CACNA1E: variants seen among roughly 807,000 people sequenced by gnomAD.
CACNA1E encodes calcium voltage-gated channel subunit alpha1 E.
A neutral mutation model predicts 259.2 loss-of-function variants in CACNA1E; 40 were observed. The observed-to-expected ratio is 0.15, with a 90% CI of 0.12 to 0.20. The LOEUF is 0.20. Among genes scored for constraint, CACNA1E ranks in the 10% least tolerant of loss-of-function variants. CACNA1E has a pLI of 1.00. For synonymous variants in CACNA1E, 1,104 were observed against 1,138.5 expected (o/e 0.97, Z 0.61); for missense variants, 1,874 against 3,040.1 (o/e 0.62, Z 9.02).
At chr1:181,609,232 C>T (rs907101395) in intron 6 of CACNA1E, among the ~76,000 whole-genome samples, 1 of 152,172 alleles carries the variant, frequency 6.6e-6, no homozygotes, top group Admixed American at 6.5e-5. Flanking sequence ...TGGCGGTGCC[C>T]CCTGGGTGTA....
At chr1:181,796,631 C>CAG (rs758403385) in intron 46 of CACNA1E, 37 bp from the exon 47 acceptor site, 1 of 1,471,216 alleles carries the variant, frequency 6.8e-7, no homozygotes, top group Non-Finnish European at 9.3e-7. Flanking sequence ...TCAGAGTGGA[C>CAG]AGAGTTATAA....
intron 6 of CACNA1E, among the ~76,000 whole-genome samples, chr1:181,637,166 C>G (rs1014107916): frequency 5.3e-5 from 8 of 152,190 alleles, no homozygotes; most frequent in African/African-American, 1.9e-4. Context: ...AAAGCAGAAT[C>G]TACCAGTTTT....
intron 7 of CACNA1E, among the ~76,000 whole-genome samples, chr1:181,705,992 A>G (rs983805679): frequency 2.6e-5 from 4 of 151,906 alleles, no homozygotes; most frequent in African/African-American, 9.7e-5. Context: ...TGAAATCTAG[A>G]TGCATCCCTT....
At chr1:181,442,295 A>G (rs559704750) in intron 2 of CACNA1E, among the ~76,000 whole-genome samples, 2 of 130,364 alleles carry the variant, frequency 1.5e-5, no homozygotes, top group African/African-American at 6.8e-5. Flanking sequence ...TCAGGGCATG[A>G]GGGAGACAGG....
At chr1:181,464,697 G>A (rs1400485473) in intron 2 of CACNA1E, among the ~76,000 whole-genome samples, 1 of 148,538 alleles carries the variant, frequency 6.7e-6, no homozygotes, top group South Asian at 2.2e-4. Context: ...TAATCCATAT[G>A]CCTTTTCTTT....
intron 6 of CACNA1E, among the ~76,000 whole-genome samples, chr1:181,601,932 A>T (rs1653784917): frequency 6.6e-6 from 1 of 152,178 alleles, no homozygotes; most frequent in Non-Finnish European, 1.5e-5. Context: ...CTTGCTGCAG[A>T]TGACATGTTG....
intron 2 of CACNA1E, among the ~76,000 whole-genome samples, chr1:181,428,454 C>T (rs945224756): frequency 1.3e-5 from 2 of 152,082 alleles, no homozygotes; most frequent in African/African-American, 2.4e-5. Context: ...TGGTGCCTTT[C>T]TGGGTGGGGT....
chr1:181,753,616 C>T (rs1026240397), intron 27 of CACNA1E, among the ~76,000 whole-genome samples: 1 of 152,146 alleles, frequency 6.6e-6, no homozygotes, highest in African/African-American at 2.4e-5. Flanking sequence ...GCCTGCTCTC[C>T]CAAGCCTGCC....
intron 27 of CACNA1E, among the ~76,000 whole-genome samples, chr1:181,753,013 G>A (rs544066485): frequency 2.0e-5 from 3 of 152,300 alleles, no homozygotes; most frequent in South Asian, 4.2e-4. Flanking sequence ...CTCCATGGGA[G>A]GAAAGTTCTT....
rs1281185757 is a variant in CACNA1E, at chr1:181,714,986, G to A, written c.1172-352G>A. Among the ~76,000 whole-genome samples the A allele has an allele frequency of 2.0e-5, 3 of 152,298 alleles. No individual in the cohort carries two copies. In the East Asian group the frequency reaches 5.8e-4, roughly 29 times the overall value. On this transcript the variant is annotated intron_variant, in intron 8 of 47. Transcript: ENST00000367573. Reference sequence around the variant, plus strand: ...TTGCTGCTAGAAGTTCAAGGAGTTAGGAAAGACAGGAAGCTGGGTGGAATT... The same window carrying A: ...TTGCTGCTAGAAGTTCAAGGAGTTAAGAAAGACAGGAAGCTGGGTGGAATT...
intron 1 of CACNA1E, among the ~76,000 whole-genome samples, chr1:181,374,156 T>C (rs1166270256): frequency 6.6e-6 from 1 of 152,218 alleles, no homozygotes; most frequent in Non-Finnish European, 1.5e-5. Context: ...TGAACTTTCT[T>C]CTTAACACTG....
chr1:181,642,611 T>C (rs2102011337), intron 6 of CACNA1E, among the ~76,000 whole-genome samples: 1 of 152,298 alleles, frequency 6.6e-6, no homozygotes, highest in East Asian at 1.9e-4. Context: ...AATACAAATC[T>C]CTCATCAGCA....
exon 1 of CACNA1E, chr1:181,317,926 C>T (rs1438151601): frequency 6.6e-6 from 1 of 151,988 alleles, no homozygotes; most frequent in Non-Finnish European, 1.5e-5. Flanking sequence ...ATTTGTGGCC[C>T]TCACCTCCGC....
Position 181,542,127 on chromosome 1 carries a change from C to T in CACNA1E, c.512+30617C>T, listed in dbSNP as rs567267984. 5.8e-4 allele frequency among the ~76,000 whole-genome samples: 88 copies of T among 152,250 alleles called. 1 individual carries two copies. Among genetic ancestry groups the T allele is most frequent in the African/African-American group, 2.1e-3 (87 of 41,550 alleles). The stretch of plus-strand genomic sequence containing the variant: ...AGCCATGAGTAAGCCGTCCTGGAAA[C>T]CCAGATTAGTCAAGTGTTCAGATAA... On this transcript the variant is annotated intron_variant, in intron 3 of 47. Coordinates refer to ENST00000367573, the MANE Select transcript of CACNA1E (RefSeq NM_001205293.3).
intron 2 of CACNA1E, among the ~76,000 whole-genome samples, chr1:181,425,810 A>C (rs1659143037): frequency 6.6e-6 from 1 of 151,976 alleles, no homozygotes. Context: ...GGAGGGAATG[A>C]AGGCATGCAG....
At chr1:181,466,612 A>T (rs1168621476) in intron 2 of CACNA1E, among the ~76,000 whole-genome samples, 1 of 152,078 alleles carries the variant, frequency 6.6e-6, no homozygotes, top group Non-Finnish European at 1.5e-5. Context: ...TAAAAAACCC[A>T]ACCCATTAAA....
In CACNA1E at chr1:181,798,867, C is replaced by T; in HGVS notation, c.*33C>T. On this transcript the variant is annotated 3_prime_UTR_variant, in exon 48 of 48. Coordinates refer to ENST00000367573, the MANE Select transcript of CACNA1E (RefSeq NM_001205293.3). The surrounding 1 kb of genome is among the most constrained non-coding windows in gnomAD (Gnocchi z 4.2). ...TCCCCCCTCCGATGCATGCTCTTCT[C>T]TCACATGGAGAAAACCAAGACAGAA... is the stretch of plus-strand genomic sequence containing the variant. The T allele has an allele frequency of 6.8e-7, 1 of 1,474,536 alleles. No homozygotes were observed. 91.3% of individuals were successfully genotyped at this position (1,474,536 alleles called of 1,614,324 possible).
intron 3 of CACNA1E, among the ~76,000 whole-genome samples, chr1:181,559,423 C>T (rs1649083900): frequency 6.6e-6 from 1 of 152,038 alleles, no homozygotes; most frequent in African/African-American, 2.4e-5. Context: ...CACTTCGTTT[C>T]AGTAAGGCCT....
At chr1:181,676,072 T>G (rs1649346070) in intron 7 of CACNA1E, among the ~76,000 whole-genome samples, 1 of 145,326 alleles carries the variant, frequency 6.9e-6, no homozygotes, top group Admixed American at 7.4e-5. Context: ...GAATGTAAAA[T>G]CCCCATTATT....
Sources: allele counts gnomAD v4.1 joint callset (sites outside exome capture counted in the v4.1 genomes callset), GRCh38; gene constraint gnomAD v4.1.1; non-coding constraint Gnocchi (gnomAD v3.1); transcripts MANE v1.5; gene names NCBI Gene and HGNC (gene_info 2026-07-23, HGNC 2026-07-21).